Variants in CAPN8 observed in about 807,000 individuals in gnomAD.
CAPN8 encodes calpain 8.
Under a neutral mutation model 80.9 loss-of-function variants are expected in CAPN8, and 87 were observed. That is an observed-to-expected ratio of 1.07 (90% CI 0.90 to 1.28). CAPN8 has a LOEUF of 1.28. CAPN8 is among the 50% of genes most tolerant of loss of function. The probability of loss-of-function intolerance (pLI) is 0.00; values close to 1 mark genes in which losing one functional copy is unlikely to be tolerated. For missense variants in CAPN8, 757 were observed against 702.0 expected (o/e 1.08, Z -0.89); for synonymous variants, 299 against 273.8 (o/e 1.09, Z -0.91).
chr1:223,551,388 A>T (rs906463594), intron 14 of CAPN8, among the ~76,000 whole-genome samples: 2 of 152,014 alleles, frequency 1.3e-5, no homozygotes, highest in Non-Finnish European at 2.9e-5. Flanking sequence ...TGATCTGCCC[A>T]CCTCAGCCTC....
rs762000674 is a variant in CAPN8, at chr1:223,628,799, G to A, written c.308-19C>T. ...CAGTCACCTGCACAGTGTCACAGGG[G>A]ACACAGATTGGTCAGGCCCAGCCTG... On this transcript the variant is annotated intron_variant, in intron 2 of 20. Transcript: ENST00000366872. The A allele has an allele frequency of 1.1e-5, 17 of 1,545,196 alleles. No individual in the cohort carries two copies. The highest frequency in any genetic ancestry group is 1.3e-5 in the Non-Finnish European group (15 of 1,141,192).
intron 5 of CAPN8, 122 bp downstream of exon 5, chr1:223,626,867 C>G: frequency 9.8e-7 from 1 of 1,016,768 alleles, no homozygotes. Context: ...GCCCACTAAG[C>G]TCCAGACTCT....
At chr1:223,620,097 G>T in intron 8 of CAPN8, 95 bp downstream of exon 8, 1 of 1,017,344 alleles carries the variant, frequency 9.8e-7, no homozygotes, top group Non-Finnish European at 1.5e-6. Flanking sequence ...GAACCATGTC[G>T]CCTTCCTGGA....
At chr1:223,627,279 A>G (rs1392894187) in intron 4 of CAPN8, 122 bp from the exon 5 acceptor site, 2 of 1,140,092 alleles carry the variant, frequency 1.8e-6, no homozygotes, top group African/African-American at 1.6e-5. Flanking sequence ...CTCTTTGCCT[A>G]TTTTGCCTAT....
chr1:223,652,675 C>A (rs1658373447), intron 2 of CAPN8, among the ~76,000 whole-genome samples: 1 of 152,114 alleles, frequency 6.6e-6, no homozygotes, highest in Non-Finnish European at 1.5e-5. Context: ...CTGTGAATCT[C>A]CTCTTCTACT....
At chr1:223,644,637 G>C (rs1459271472) in intron 2 of CAPN8, among the ~76,000 whole-genome samples, 1 of 152,164 alleles carries the variant, frequency 6.6e-6, no homozygotes, top group African/African-American at 2.4e-5. Context: ...AGCAGGGTGA[G>C]GGGAGTGAGA....
intron 2 of CAPN8, among the ~76,000 whole-genome samples, chr1:223,645,508 A>C (rs1448852932): frequency 6.6e-6 from 1 of 152,230 alleles, no homozygotes; most frequent in Non-Finnish European, 1.5e-5. Flanking sequence ...AAAACAAGTC[A>C]GAGAAAATGG....
At chr1:223,612,982 A>C (rs1451918604) in intron 10 of CAPN8, among the ~76,000 whole-genome samples, 3 of 152,162 alleles carry the variant, frequency 2.0e-5, no homozygotes, top group Non-Finnish European at 4.4e-5. Context: ...GCTTTATTAT[A>C]TGCAACTGGA....
chr1:223,623,333 ACACT>A (rs1289940074), intron 6 of CAPN8, among the ~76,000 whole-genome samples: 1 of 152,234 alleles, frequency 6.6e-6, no homozygotes, highest in Non-Finnish European at 1.5e-5. Context: ...GCCTCATTTA[ACACT>A]CACGACAATC....
intron 2 of CAPN8, among the ~76,000 whole-genome samples, chr1:223,630,468 C>T (rs985324576): frequency 2.0e-5 from 3 of 152,000 alleles, no homozygotes; most frequent in African/African-American, 7.3e-5. Flanking sequence ...TCCTGAGTCA[C>T]TAGAACTACA....
intron 7 of CAPN8, among the ~76,000 whole-genome samples, chr1:223,622,186 C>G (rs72747920): frequency 6.6e-6 from 1 of 152,184 alleles, no homozygotes; most frequent in South Asian, 2.1e-4. Flanking sequence ...GAAACCACCC[C>G]ATGCTTTCCA....
At chr1:223,609,099 C>A in intron 12 of CAPN8, 54 bp downstream of exon 12, 1 of 397,796 alleles carries the variant, frequency 2.5e-6, no homozygotes, top group South Asian at 1.3e-4. Flanking sequence ...GGGGCCATTT[C>A]CCTTCGTGGG....
intron 3 of CAPN8, among the ~76,000 whole-genome samples, 180 bp downstream of exon 3, chr1:223,628,482 A>T (rs1420867102): frequency 6.6e-6 from 1 of 152,126 alleles, no homozygotes; most frequent in Non-Finnish European, 1.5e-5. Flanking sequence ...ATGTGTGGAT[A>T]TCTGGATGGA....
At chr1:223,644,220 G>T in intron 2 of CAPN8, 1 of 367,316 alleles carries the variant, frequency 2.7e-6, no homozygotes, top group South Asian at 2.6e-5. Flanking sequence ...CTAATACAAG[G>T]TTCATATACT....
intron 6 of CAPN8, 46 bp from the exon 7 acceptor site, chr1:223,622,946 G>C: frequency 2.0e-6 from 3 of 1,474,422 alleles, no homozygotes; most frequent in Non-Finnish European, 2.8e-6. Context: ...CTATGCTCCT[G>C]TTGCCTTGCA....
chr1:223,610,934 C>T (rs999304199), intron 11 of CAPN8, among the ~76,000 whole-genome samples: 2 of 152,182 alleles, frequency 1.3e-5, no homozygotes, highest in African/African-American at 2.4e-5. Context: ...ATCAAAAACT[C>T]CAGGAGCAGG....
chr1:223,558,356 CCCCA>C (rs1455764186), intron 12 of CAPN8, among the ~76,000 whole-genome samples, 189 bp from the exon 13 acceptor site: 1 of 152,198 alleles, frequency 6.6e-6, no homozygotes, highest in East Asian at 1.9e-4. Context: ...TCAACCTCCA[CCCCA>C]CCCTGAGTTT....
At chr1:223,612,218 G>A in intron 11 of CAPN8, 28 bp downstream of exon 11, 2 of 1,234,198 alleles carry the variant, frequency 1.6e-6, no homozygotes, top group Non-Finnish European at 2.0e-6. Context: ...CTCACCAAAG[G>A]AAGGAATCTC....
chr1:223,633,697 A>G (rs572461727), intron 2 of CAPN8, among the ~76,000 whole-genome samples: 1 of 152,342 alleles, frequency 6.6e-6, no homozygotes, highest in East Asian at 1.9e-4. Flanking sequence ...CCACCAGGAG[A>G]TAATAATCCT....
Sources: allele counts gnomAD v4.1 joint callset (sites outside exome capture counted in the v4.1 genomes callset), GRCh38; gene constraint gnomAD v4.1.1; transcripts MANE v1.5; gene names NCBI Gene and HGNC (gene_info 2026-07-23, HGNC 2026-07-21).